The following CAST variants were observed in gnomAD, a reference collection of about 807,000 sequenced individuals.
The protein encoded by CAST is calpastatin, also known as MIR583 host.
A neutral mutation model predicts 119.6 loss-of-function variants in CAST; 76 were observed. The ratio of observed to expected loss-of-function variants is 0.64; its 90% CI spans 0.53 to 0.77. CAST has a LOEUF of 0.77. Ranked by LOEUF, CAST falls within the 30% of genes least tolerant of loss-of-function variation. CAST has a pLI of 0.00. For missense variants in CAST, 953 were observed against 946.5 expected (o/e 1.01, Z -0.09); for synonymous variants, 319 against 331.6 (o/e 0.96, Z 0.41).
At chr5:95,963,666 C>G in the CAST span, among the ~76,000 whole-genome samples, 3 of 151,542 alleles carry the variant, frequency 2.0e-5, no homozygotes, top group African/African-American at 7.3e-5. Context: ...AATAGTTCAT[C>G]TCTAAGCGGA....
the CAST span, among the ~76,000 whole-genome samples, chr5:96,057,432 T>C: frequency 2.6e-5 from 4 of 152,214 alleles, no homozygotes; most frequent in African/African-American, 9.6e-5. Context: ...CCAGACCCAA[T>C]ATACTATCAA....
chr5:96,740,835 G>C, intron 13 of CAST, 52 bp downstream of exon 13: 1 of 1,236,320 alleles, frequency 8.1e-7, no homozygotes, highest in South Asian at 1.2e-5. Context: ...TATATTTTTG[G>C]CTGGGGGAAC....
At chr5:96,189,674 T>C in the CAST span, among the ~76,000 whole-genome samples, 1 of 152,200 alleles carries the variant, frequency 6.6e-6, no homozygotes. Context: ...TGTCATCTGT[T>C]TCATCTTTTT....
the CAST span, among the ~76,000 whole-genome samples, chr5:96,397,971 C>T: frequency 6.6e-6 from 1 of 151,824 alleles, no homozygotes; most frequent in Non-Finnish European, 1.5e-5. Context: ...GTATTAATTT[C>T]TTAAAGATAT....
chr5:96,168,197 A>T, the CAST span, among the ~76,000 whole-genome samples: 10 of 152,218 alleles, frequency 6.6e-5, no homozygotes, highest in Non-Finnish European at 1.0e-4. Flanking sequence ...AAAAACTGCC[A>T]TGAGGGATAG....
At chr5:96,000,099 G>A in the CAST span, among the ~76,000 whole-genome samples, 4 of 151,878 alleles carry the variant, frequency 2.6e-5, no homozygotes, top group African/African-American at 9.7e-5. Flanking sequence ...TTTTGATTGG[G>A]TCATTTGTCT....
chr5:96,318,770 G>C, the CAST span: 1 of 152,082 alleles, frequency 6.6e-6, no homozygotes. Flanking sequence ...CAGTAAAATG[G>C]TTGAGTCTGT....
the CAST span, among the ~76,000 whole-genome samples, chr5:96,230,858 A>T: frequency 0.29 from 43,580 of 152,100 alleles, 7,169 homozygotes; most frequent in Admixed American, 0.42. Context: ...TTTAACGAAG[A>T]TTTACAAATT....
chr5:96,385,161 G>T, the CAST span, among the ~76,000 whole-genome samples: 2 of 152,198 alleles, frequency 1.3e-5, no homozygotes, highest in East Asian at 3.8e-4. Flanking sequence ...TCATGGGATT[G>T]ATTCTTCATC....
chr5:96,295,050 GA>G, the CAST span, among the ~76,000 whole-genome samples: 3 of 152,174 alleles, frequency 2.0e-5, no homozygotes, highest in Non-Finnish European at 4.4e-5. Context: ...ACTACAAAGG[GA>G]AAAGCTGCTT....
In CAST at chr5:96,767,912, T is replaced by G. The variant is rs79522948; in HGVS notation, c.2181T>G (p.Pro727=). The G allele has an allele frequency of 7.3e-4, 1,170 of 1,610,832 alleles. 9 individuals carry two copies. In the African/African-American group the frequency reaches 0.014, roughly 19 times the overall value. Residue 727 remains proline, a synonymous_variant, in exon 29 of 32, where the codon CCT becomes CCG. Coordinates refer to ENST00000675179, the MANE Select transcript of CAST (RefSeq NM_001750.7). ...TATTTCTACTCATATCTCAGAAACC[T>G]GCAGATGACCAAGACCCCATTGATG... The part of the protein sequence containing the change: ...PTKKSEDSKK[P]ADDQDPIDAL...
At chr5:96,669,307 G>T (rs1187053591) in intron 1 of CAST, among the ~76,000 whole-genome samples, 1 of 152,136 alleles carries the variant, frequency 6.6e-6, no homozygotes, top group Non-Finnish European at 1.5e-5. Flanking sequence ...ATACCAATTT[G>T]CACATTGTCT....
the CAST span, among the ~76,000 whole-genome samples, chr5:96,125,232 A>G: frequency 6.6e-6 from 1 of 152,154 alleles, no homozygotes; most frequent in Non-Finnish European, 1.5e-5. Context: ...TTTGCTTAAC[A>G]TTTTAAATGG....
At chr5:96,290,133 A>G in the CAST span, among the ~76,000 whole-genome samples, 1 of 152,240 alleles carries the variant, frequency 6.6e-6, no homozygotes, top group African/African-American at 2.4e-5. Context: ...AACATAACCT[A>G]CATTAATTTT....
At chr5:96,468,368 C>T in the CAST span, among the ~76,000 whole-genome samples, 1 of 151,996 alleles carries the variant, frequency 6.6e-6, no homozygotes, top group Non-Finnish European at 1.5e-5. Context: ...CTTGTGCCTC[C>T]AAAGCTACGG....
At chr5:96,218,875 G>A in the CAST span, among the ~76,000 whole-genome samples, 6 of 152,190 alleles carry the variant, frequency 3.9e-5, no homozygotes, top group Non-Finnish European at 7.3e-5. Flanking sequence ...GGGAAGTTTA[G>A]AGTCAGGCAG....
the CAST span, among the ~76,000 whole-genome samples, chr5:96,025,336 C>A: frequency 6.6e-6 from 1 of 152,090 alleles, no homozygotes; most frequent in Non-Finnish European, 1.5e-5. Context: ...GGAGAGGATG[C>A]AAGTCCTTTC....
chr5:96,169,506 T>C, the CAST span, among the ~76,000 whole-genome samples: 2 of 152,204 alleles, frequency 1.3e-5, no homozygotes, highest in Admixed American at 1.3e-4. Context: ...TTGTAAGACT[T>C]GTCCGGTTTT....
the CAST span, among the ~76,000 whole-genome samples, chr5:96,279,338 A>T: frequency 6.6e-6 from 1 of 152,134 alleles, no homozygotes; most frequent in Non-Finnish European, 1.5e-5. Flanking sequence ...CCAGCTGCGG[A>T]TCTGAAGATG....
Sources: allele counts gnomAD v4.1 joint callset (sites outside exome capture counted in the v4.1 genomes callset), GRCh38; gene constraint gnomAD v4.1.1; transcripts MANE v1.5; gene names NCBI Gene and HGNC (gene_info 2026-07-23, HGNC 2026-07-21).